CCDC6: variants seen among roughly 807,000 people sequenced by gnomAD.
CCDC6 encodes coiled-coil domain containing 6.
Under a neutral mutation model 56.6 loss-of-function variants are expected in CCDC6, and 20 were observed. The ratio of observed to expected loss-of-function variants is 0.35; its 90% CI spans 0.25 to 0.51. The LOEUF is 0.51. CCDC6 is among the 20% of genes least tolerant of loss of function. The pLI, the probability that CCDC6 is intolerant of heterozygous loss-of-function variation, is 0.95. For synonymous variants in CCDC6, 241 were observed against 234.4 expected, an observed-to-expected ratio of 1.03 and a Z score of -0.26; for missense variants, 367 against 601.1, an observed-to-expected ratio of 0.61 and a Z score of 4.07.
chr10:59,794,707 A>C (rs1405459280), intron 7 of CCDC6, 110 bp from the exon 8 acceptor site: 1 of 830,430 alleles, frequency 1.2e-6, no homozygotes, highest in East Asian at 2.6e-5. Context: ...CAAAAATACA[A>C]ACAGATGAAA....
Position 59,804,657 on chromosome 10 carries a change from G to C in CCDC6, c.1005-137C>G, listed in dbSNP as rs41274662. On this transcript the variant is annotated intron_variant, in intron 6 of 8. Transcript: ENST00000263102. ...TTTAGAGTGATGTTATAGTTAAAAG[G>C]CATTTATAAAATGGACTCCTGAGTC... 4.9e-4 allele frequency: 305 copies of C among 628,092 alleles called. 2 individuals are homozygous for C. The highest frequency in any genetic ancestry group is 4.0e-3 in the South Asian group (217 of 54,178). 38.9% of individuals were successfully genotyped at this position (628,092 alleles called of 1,614,324 possible).
chr10:59,861,903 T>C (rs1564750879), intron 1 of CCDC6, among the ~76,000 whole-genome samples: 2 of 152,332 alleles, frequency 1.3e-5, no homozygotes, highest in East Asian at 3.9e-4. Context: ...CTTGAGAAGA[T>C]ATGGCGAAAG....
At chr10:59,859,992 G>C (rs2071114253) in intron 1 of CCDC6, among the ~76,000 whole-genome samples, 1 of 152,202 alleles carries the variant, frequency 6.6e-6, no homozygotes, top group African/African-American at 2.4e-5. Context: ...TGAGGCATAA[G>C]AATTGCTTGA....
At chr10:59,872,700 C>G (rs2071240027) in intron 1 of CCDC6, among the ~76,000 whole-genome samples, 1 of 147,764 alleles carries the variant, frequency 6.8e-6, no homozygotes, top group African/African-American at 2.5e-5. Flanking sequence ...TAGTTGGACA[C>G]AAGGATTTCA....
At chr10:59,902,698 C>A (rs1213153111) in intron 1 of CCDC6, among the ~76,000 whole-genome samples, 2 of 152,186 alleles carry the variant, frequency 1.3e-5, no homozygotes, top group Non-Finnish European at 2.9e-5. Context: ...CCGCGCCCGG[C>A]CCCGCCAAAG....
intron 2 of CCDC6, among the ~76,000 whole-genome samples, chr10:59,847,657 T>A (rs1160427147): frequency 6.6e-6 from 1 of 152,140 alleles, no homozygotes; most frequent in Non-Finnish European, 1.5e-5. Flanking sequence ...TCACAATTTT[T>A]AAATTTCCTT....
intron 2 of CCDC6, among the ~76,000 whole-genome samples, chr10:59,842,584 TG>T (rs2070949232): frequency 1.3e-5 from 2 of 152,276 alleles, no homozygotes; most frequent in Admixed American, 1.3e-4. Flanking sequence ...TTTAATATAT[TG>T]CTGACTTCAT....
chr10:59,897,909 C>T (rs1417019413), intron 1 of CCDC6, among the ~76,000 whole-genome samples: 2 of 152,192 alleles, frequency 1.3e-5, no homozygotes, highest in Non-Finnish European at 2.9e-5. Flanking sequence ...ACCAAGTGGC[C>T]TCATTTGATC....
At chr10:59,868,593 ATAG>A (rs1435094212) in intron 1 of CCDC6, among the ~76,000 whole-genome samples, 1 of 151,776 alleles carries the variant, frequency 6.6e-6, no homozygotes, top group African/African-American at 2.4e-5. Flanking sequence ...ACTGAGGTTG[ATAG>A]GGGTTTGGCA....
intron 3 of CCDC6, among the ~76,000 whole-genome samples, chr10:59,829,670 A>G (rs747508362): frequency 6.6e-6 from 1 of 152,204 alleles, no homozygotes; most frequent in Non-Finnish European, 1.5e-5. Context: ...AAGACCACAT[A>G]TTATGATTCT....
intron 3 of CCDC6, among the ~76,000 whole-genome samples, chr10:59,822,487 T>C (rs2070756717): frequency 6.6e-6 from 1 of 152,242 alleles, no homozygotes; most frequent in Non-Finnish European, 1.5e-5. Context: ...GTATTGTGTA[T>C]ACATTCTTTT....
At chr10:59,838,446 T>A (rs2070905461) in intron 2 of CCDC6, among the ~76,000 whole-genome samples, 1 of 152,190 alleles carries the variant, frequency 6.6e-6, no homozygotes, top group Non-Finnish European at 1.5e-5. Flanking sequence ...CCAAACTCAC[T>A]GGCATAACAT....
In CCDC6 at chr10:59,792,857, C is replaced by A. The variant is rs367585673; in HGVS notation, c.*60G>T. 1 of 1,526,800 alleles carries A rather than the reference C, an allele frequency of 6.5e-7. No individual in the cohort carries two copies. The highest frequency in any genetic ancestry group is 9.1e-7 in the Non-Finnish European group (1 of 1,100,894). 94.6% of individuals were successfully genotyped at this position (1,526,800 alleles called of 1,614,324 possible). On this transcript the variant is annotated 3_prime_UTR_variant, in exon 9 of 9. Transcript: ENST00000263102. ...ATATGCCAGAGAAGGAAGCCTTTGG[C>A]GTTGAGTAGACGGCTCCATTGGATG...
intron 1 of CCDC6, among the ~76,000 whole-genome samples, chr10:59,886,046 G>A (rs2071381212): frequency 6.6e-6 from 1 of 151,802 alleles, no homozygotes; most frequent in South Asian, 2.1e-4. Flanking sequence ...ACAAAGTTTT[G>A]TAATATATAC....
At chr10:59,844,664 A>T (rs1302830172) in intron 2 of CCDC6, among the ~76,000 whole-genome samples, 1 of 39,134 alleles carries the variant, frequency 2.6e-5, no homozygotes, top group Non-Finnish European at 4.8e-5. Flanking sequence ...GAGGCATGAG[A>T]ATCACTTGAA....
intron 1 of CCDC6, among the ~76,000 whole-genome samples, chr10:59,890,532 A>C (rs2071414159): frequency 1.3e-5 from 2 of 152,158 alleles, no homozygotes; most frequent in Non-Finnish European, 2.9e-5. Flanking sequence ...AAGGAAAAGG[A>C]AGAACTGTGC....
At chr10:59,881,552 TC>T (rs1451515745) in intron 1 of CCDC6, among the ~76,000 whole-genome samples, 1 of 152,124 alleles carries the variant, frequency 6.6e-6, no homozygotes, top group Non-Finnish European at 1.5e-5. Context: ...ATTCTAAAAT[TC>T]ACTGGGGGGT....
intron 1 of CCDC6, among the ~76,000 whole-genome samples, chr10:59,872,294 G>A (rs971222990): frequency 6.6e-6 from 1 of 152,206 alleles, no homozygotes; most frequent in Admixed American, 6.5e-5. Context: ...GTCTGAGGCT[G>A]TGCTAGCTGG....
At chr10:59,897,870 G>C (rs2071475302) in intron 1 of CCDC6, among the ~76,000 whole-genome samples, 1 of 152,094 alleles carries the variant, frequency 6.6e-6, no homozygotes, top group South Asian at 2.1e-4. Flanking sequence ...ACTTATGCCT[G>C]GCTGAACATC....
Sources: allele counts gnomAD v4.1 joint callset (sites outside exome capture counted in the v4.1 genomes callset), GRCh38; gene constraint gnomAD v4.1.1; transcripts MANE v1.5; gene names NCBI Gene and HGNC (gene_info 2026-07-23, HGNC 2026-07-21).